EIF2AK3: variants seen among roughly 807,000 people sequenced by gnomAD.
EIF2AK3 encodes the protein eukaryotic translation initiation factor 2-alpha kinase 3.
Under a neutral mutation model 113.5 loss-of-function variants are expected in EIF2AK3, and 50 were observed. The ratio of observed to expected loss-of-function variants is 0.44; its 90% CI spans 0.35 to 0.56. EIF2AK3 has a LOEUF of 0.56. Ranked by LOEUF, EIF2AK3 falls within the 20% of genes least tolerant of loss-of-function variation. The pLI is 0.00. For missense variants in EIF2AK3, 1,185 were observed against 1,378.0 expected (o/e 0.86, Z 2.22); for synonymous variants, 448 against 495.4 (o/e 0.90, Z 1.27).
intron 2 of EIF2AK3, among the ~76,000 whole-genome samples, chr2:88,611,573 C>A (rs985280644): frequency 1.1e-4 from 17 of 151,822 alleles, no homozygotes; most frequent in Non-Finnish European, 1.5e-5. Context: ...GGATTCTTTT[C>A]CTGCATGAAA....
Position 88,583,523 on chromosome 2 carries a change from G to C in EIF2AK3, c.1670C>G (p.Thr557Ser). ...HPHRQRKESETQCQTENKYDS... is the reference protein window; with the variant it reads ...HPHRQRKESESQCQTENKYDS... ...ATATTTATTTTCAGTTTGACACTGA[G>C]TTTCAGACTCCTTCCTTTGCTGATA... is the stretch of plus-strand genomic sequence containing the variant. The change falls in exon 10 of 17, where the codon ACT (threonine) becomes AGT (serine). Residue 557 changes from threonine (T) to serine (S), a missense_variant. By Grantham distance (58) the Thr-to-Ser change is moderately conservative. This residue lies in a region of EIF2AK3 where 877 missense variants were observed against 1,024.2 expected (regional missense o/e 0.86). Transcript: ENST00000303236. The C allele has an allele frequency of 6.2e-7, 1 of 1,612,736 alleles. No homozygotes were observed. Among genetic ancestry groups the C allele is most frequent in the South Asian group, 1.1e-5 (1 of 91,050 alleles).
intron 13 of EIF2AK3, among the ~76,000 whole-genome samples, chr2:88,571,920 G>T (rs1674320840): frequency 6.6e-6 from 1 of 151,994 alleles, no homozygotes; most frequent in Admixed American, 6.6e-5. Context: ...CAAACCCAAG[G>T]TGCCCTACAT....
intron 15 of EIF2AK3, among the ~76,000 whole-genome samples, chr2:88,561,117 G>T (rs1459241792): frequency 6.6e-6 from 1 of 151,460 alleles, no homozygotes; most frequent in African/African-American, 2.4e-5. Flanking sequence ...ACCATGCCTT[G>T]CTAATTTTTA....
intron 4 of EIF2AK3, among the ~76,000 whole-genome samples, chr2:88,592,153 A>T (rs926632400): frequency 2.0e-5 from 3 of 152,224 alleles, no homozygotes; most frequent in African/African-American, 7.2e-5. Flanking sequence ...GTTTAAAAAA[A>T]ATCAAGCATT....
At chr2:88,566,046 G>GT (rs1674113117) in intron 14 of EIF2AK3, among the ~76,000 whole-genome samples, 1 of 152,108 alleles carries the variant, frequency 6.6e-6, no homozygotes, top group Non-Finnish European at 1.5e-5. Context: ...CCCCCCTTAA[G>GT]TAGGTATCTA....
At chr2:88,596,403 C>G (rs1675019564) in intron 2 of EIF2AK3, among the ~76,000 whole-genome samples, 1 of 152,064 alleles carries the variant, frequency 6.6e-6, no homozygotes, top group Non-Finnish European at 1.5e-5. Flanking sequence ...GAAGGTTAAA[C>G]TCTGGTGTCA....
At chr2:88,560,642 A>G (rs1327774327) in intron 15 of EIF2AK3, among the ~76,000 whole-genome samples, 4 of 152,180 alleles carry the variant, frequency 2.6e-5, no homozygotes, top group Non-Finnish European at 5.9e-5. Flanking sequence ...TTTTGATGCC[A>G]TCTGATTCTT....
intron 9 of EIF2AK3, among the ~76,000 whole-genome samples, chr2:88,584,655 T>C (rs1486075981): frequency 6.6e-6 from 1 of 151,796 alleles, no homozygotes; most frequent in African/African-American, 2.4e-5. Context: ...GCAGGAAATC[T>C]AACTCAGAAA....
At chr2:88,567,214 T>C (rs570717421) in intron 14 of EIF2AK3, among the ~76,000 whole-genome samples, 20 of 81,236 alleles carry the variant, frequency 2.5e-4, no homozygotes, top group Admixed American at 2.0e-3. Context: ...CTTTCTAACC[T>C]TTTTTTTTTT....
At chr2:88,601,393 T>C (rs1675143540) in intron 2 of EIF2AK3, among the ~76,000 whole-genome samples, 1 of 152,254 alleles carries the variant, frequency 6.6e-6, no homozygotes, top group African/African-American at 2.4e-5. Flanking sequence ...GCTACGCACT[T>C]CCTATTACAT....
In EIF2AK3 at chr2:88,558,978, G is replaced by C; in HGVS notation, c.3089C>G (p.Thr1030Ser). ...PFSTQMERVR[T>S]LTDVRNLKFP... The stretch of plus-strand genomic sequence containing the variant: ...TTTGAGATTTCTTACATCAGTTAAG[G>C]TCTAAAAAGAAAAAAAGTATCACTT... The change falls in exon 16 of 17, where the codon ACC becomes AGC. Residue 1030 changes from threonine (T) to serine (S), a missense_variant and splice_region_variant. Transcript: ENST00000303236. 1.3e-6 allele frequency: 2 copies of C among 1,581,182 alleles called. No homozygotes were observed. The highest frequency in any genetic ancestry group is 1.7e-6 in the Non-Finnish European group (2 of 1,152,092).
intron 2 of EIF2AK3, among the ~76,000 whole-genome samples, chr2:88,609,945 C>CAAAAAAAAA (rs71378880): frequency 2.6e-5 from 1 of 38,800 alleles, no homozygotes; most frequent in African/African-American, 9.6e-5. Flanking sequence ...TCCATCTCTA[C>CAAAAAAAAA]AAAAAAAAAA....
intron 10 of EIF2AK3, among the ~76,000 whole-genome samples, chr2:88,581,926 C>A (rs886691322): frequency 2.0e-5 from 3 of 152,092 alleles, no homozygotes; most frequent in Non-Finnish European, 4.4e-5. Context: ...CCAGGGTTCT[C>A]CAGAAAGCTG....
chr2:88,599,433 T>C (rs997483177), intron 2 of EIF2AK3, among the ~76,000 whole-genome samples: 3 of 152,022 alleles, frequency 2.0e-5, no homozygotes, highest in African/African-American at 4.8e-5. Flanking sequence ...GGTCAGAGTA[T>C]GCACATACCC....
At chr2:88,584,721 A>G (rs956937274) in intron 9 of EIF2AK3, among the ~76,000 whole-genome samples, 19 of 152,024 alleles carry the variant, frequency 1.2e-4, no homozygotes, top group Non-Finnish European at 2.5e-4. Flanking sequence ...AAACTAAAAG[A>G]TATTACCCAG....
intron 4 of EIF2AK3, among the ~76,000 whole-genome samples, chr2:88,591,277 C>G (rs1335562528): frequency 6.6e-6 from 1 of 152,134 alleles, no homozygotes; most frequent in Non-Finnish European, 1.5e-5. Flanking sequence ...TGTGGACTGA[C>G]TTGATGTGTC....
rs75677500 is a variant in EIF2AK3, at chr2:88,566,520, CTT to C, written c.2986-4132_2986-4131del. On this transcript the variant is annotated intron_variant, in intron 14 of 16. Coordinates refer to ENST00000303236, the MANE Select transcript of EIF2AK3 (RefSeq NM_004836.7). ...GACCTGATAGTTATTTTTAAAAACT[CTT>C]TTTTTTTTTAAGTTCTGGGGTACAT... Among the ~76,000 whole-genome samples, 12 of 146,930 alleles carry C rather than the reference CTT, an allele frequency of 8.2e-5. No individual in the cohort carries two copies. In the South Asian group the frequency reaches 8.7e-4, roughly 11 times the overall value.
At chr2:88,575,535 T>G in intron 12 of EIF2AK3, 89 bp from the exon 13 acceptor site, 1 of 1,402,438 alleles carries the variant, frequency 7.1e-7, no homozygotes, top group Non-Finnish European at 9.9e-7. Flanking sequence ...AAGCTTCAAC[T>G]GTAATAAGGC....
intron 2 of EIF2AK3, 89 bp from the exon 3 acceptor site, chr2:88,595,752 T>C: frequency 8.2e-7 from 1 of 1,221,100 alleles, no homozygotes; most frequent in Non-Finnish European, 1.2e-6. Flanking sequence ...GCATCATACC[T>C]TTAAAAGAAT....
Sources: allele counts gnomAD v4.1 joint callset (sites outside exome capture counted in the v4.1 genomes callset), GRCh38; gene constraint gnomAD v4.1.1; regional missense constraint gnomAD v4.1.1; transcripts MANE v1.5; gene names NCBI Gene and HGNC (gene_info 2026-07-23, HGNC 2026-07-21).